Variants in CTNNA3 observed in about 807,000 individuals in gnomAD.
CTNNA3 encodes catenin alpha-3.
Under a neutral mutation model 95.7 loss-of-function variants are expected in CTNNA3, and 76 were observed. That is an observed-to-expected ratio of 0.79 (90% CI 0.66 to 0.96). The LOEUF is 0.96. Among genes scored for constraint, CTNNA3 ranks in the 40% least tolerant of loss-of-function variants. The pLI, the probability that CTNNA3 is intolerant of heterozygous loss-of-function variation, is 0.00. For synonymous variants in CTNNA3, 431 were observed against 374.4 expected (o/e 1.15, Z -1.74); for missense variants, 1,191 against 1,089.8 (o/e 1.09, Z -1.31).
Position 66,973,754 on chromosome 10 carries a change from G to C in CTNNA3, c.1048-198230C>G, listed in dbSNP as rs866687570. Among the ~76,000 whole-genome samples the C allele has an allele frequency of 9.7e-4, 147 of 152,120 alleles. 2 individuals carry two copies. The Middle Eastern group carries it at 0.02, about 21-fold the overall frequency. Reference sequence around the variant, plus strand: ...TTCTCCTGCTTCAGCCTTCCCAGTAGCTGGGATTACAGGCACCCACCACCA... The same window carrying C: ...TTCTCCTGCTTCAGCCTTCCCAGTACCTGGGATTACAGGCACCCACCACCA... On this transcript the variant is annotated intron_variant, in intron 7 of 17. Coordinates refer to ENST00000433211, the MANE Select transcript of CTNNA3 (RefSeq NM_013266.4).
At chr10:66,187,148 C>CTTT (rs1438536519) in intron 13 of CTNNA3, among the ~76,000 whole-genome samples, 1 of 152,060 alleles carries the variant, frequency 6.6e-6, no homozygotes, top group East Asian at 1.9e-4. Flanking sequence ...ATCCTATGTG[C>CTTT]AAAAATATTT....
intron 1 of CTNNA3, among the ~76,000 whole-genome samples, chr10:67,737,103 A>G (rs1242127147): frequency 6.6e-6 from 1 of 152,058 alleles, no homozygotes; most frequent in Non-Finnish European, 1.5e-5. Context: ...AGCTGGGATT[A>G]CAGGCACACA....
chr10:66,096,464 T>G (rs1027225651), intron 14 of CTNNA3, among the ~76,000 whole-genome samples: 1 of 151,998 alleles, frequency 6.6e-6, no homozygotes, highest in African/African-American at 2.4e-5. Context: ...TTTTAAAAAA[T>G]CATTATACAT....
chr10:66,763,354 G>GAGAGAGAGAGAGGGA (rs1554848287), intron 9 of CTNNA3, among the ~76,000 whole-genome samples: 4 of 45,532 alleles, frequency 8.8e-5, no homozygotes, highest in African/African-American at 1.6e-4. Context: ...AGAGAGAGAG[G>GAGAGAGAGAGAGGGA]GAGAGAGAGA....
chr10:67,335,484 T>C (rs1841963938), intron 5 of CTNNA3, among the ~76,000 whole-genome samples: 1 of 152,246 alleles, frequency 6.6e-6, no homozygotes, highest in Admixed American at 6.5e-5. Context: ...AGGTGCTCCT[T>C]ATAATTCTCA....
chr10:67,249,037 G>C (rs1251685047), intron 5 of CTNNA3, among the ~76,000 whole-genome samples: 6 of 152,030 alleles, frequency 3.9e-5, no homozygotes, highest in African/African-American at 9.7e-5. Context: ...GGTTTAGATG[G>C]CAATTTATTA....
intron 15 of CTNNA3, among the ~76,000 whole-genome samples, chr10:66,062,626 G>A (rs1218941795): frequency 6.6e-6 from 1 of 152,114 alleles, no homozygotes. Flanking sequence ...AACAATTGGA[G>A]ATTTATCACA....
chr10:67,456,899 T>C (rs550255093), intron 5 of CTNNA3, among the ~76,000 whole-genome samples: 2 of 152,044 alleles, frequency 1.3e-5, no homozygotes, highest in Non-Finnish European at 2.9e-5. Flanking sequence ...ATGAGCCAAC[T>C]CTAGCAGAAA....
At chr10:66,059,982 TG>T (rs746139043) in intron 15 of CTNNA3, among the ~76,000 whole-genome samples, 4 of 152,082 alleles carry the variant, frequency 2.6e-5, no homozygotes, top group Non-Finnish European at 5.9e-5. Context: ...TCATTATTTT[TG>T]CAAAGATAAT....
intron 5 of CTNNA3, among the ~76,000 whole-genome samples, chr10:67,226,633 A>G (rs1864930200): frequency 6.6e-6 from 1 of 152,216 alleles, no homozygotes; most frequent in Admixed American, 6.5e-5. Flanking sequence ...TAAGCATCAT[A>G]TATGAAGGAA....
At chr10:66,655,393 T>C (rs2132426343) in intron 9 of CTNNA3, among the ~76,000 whole-genome samples, 1 of 152,158 alleles carries the variant, frequency 6.6e-6, no homozygotes, top group East Asian at 1.9e-4. Flanking sequence ...TGTGAACATT[T>C]TACTTCTGAT....
rs188609319 is a variant in CTNNA3 at position 66,656,620 on chromosome 10, C to T, written c.1282-34836G>A. Among the ~76,000 whole-genome samples, 305 of 152,170 alleles carry T rather than the reference C, an allele frequency of 2.0e-3. 1 individual carries two copies. Among genetic ancestry groups the T allele is most frequent in the Admixed American group, 3.4e-3 (52 of 15,286 alleles). Reference sequence around the variant, plus strand: ...TGTGCATTTTATTAACCCCAATAAACATTTACTTTTTTATTTTCTCCCCAG... The same window carrying T: ...TGTGCATTTTATTAACCCCAATAAATATTTACTTTTTTATTTTCTCCCCAG... On this transcript the variant is annotated intron_variant, in intron 9 of 17. Coordinates refer to ENST00000433211, the MANE Select transcript of CTNNA3 (RefSeq NM_013266.4).
At chr10:66,036,443 G>A (rs1175690017) in intron 15 of CTNNA3, among the ~76,000 whole-genome samples, 1 of 151,884 alleles carries the variant, frequency 6.6e-6, no homozygotes, top group African/African-American at 2.4e-5. Context: ...GTGCAATCTC[G>A]GCTCACTGCA....
intron 5 of CTNNA3, among the ~76,000 whole-genome samples, chr10:67,465,001 C>A (rs1847531911): frequency 6.6e-6 from 1 of 151,944 alleles, no homozygotes; most frequent in Non-Finnish European, 1.5e-5. Context: ...AGGCAATTGC[C>A]TGTGTTTTTG....
chr10:67,018,303 G>A (rs1055699003), intron 7 of CTNNA3, among the ~76,000 whole-genome samples: 5 of 151,972 alleles, frequency 3.3e-5, no homozygotes, highest in Admixed American at 6.6e-5. Flanking sequence ...TTTACTCTTC[G>A]CTTTCACCCA....
At position 66,091,692 on chromosome 10, in the gene CTNNA3, G is replaced by A. The variant is rs959810444; in HGVS notation, c.1977+11465C>T. Reference sequence around the variant, plus strand: ...AGGTTATAAGAGAGTTGGAAATGGAGTCACAGTTTTAAGTCAGTGGTTAGT... The same window carrying A: ...AGGTTATAAGAGAGTTGGAAATGGAATCACAGTTTTAAGTCAGTGGTTAGT... On this transcript the variant is annotated intron_variant, in intron 14 of 17. Coordinates refer to ENST00000433211, the MANE Select transcript of CTNNA3 (RefSeq NM_013266.4). Among the ~76,000 whole-genome samples, 24 of 151,972 alleles carry A rather than the reference G, an allele frequency of 1.6e-4. No homozygotes were observed. In the East Asian group the frequency reaches 4.1e-3, roughly 26 times the overall value.
intron 9 of CTNNA3, among the ~76,000 whole-genome samples, chr10:66,661,839 A>AAG (rs1226816790): frequency 6.6e-6 from 1 of 152,174 alleles, no homozygotes; most frequent in Non-Finnish European, 1.5e-5. Context: ...GCAGCAAGGT[A>AAG]AGAGATTTAA....
At chr10:66,330,356 G>T (rs2132316239) in intron 12 of CTNNA3, among the ~76,000 whole-genome samples, 1 of 152,082 alleles carries the variant, frequency 6.6e-6, no homozygotes, top group South Asian at 2.1e-4. Flanking sequence ...TGCTAAGAAT[G>T]ATGGTTTCCA....
At chr10:67,324,431 A>C (rs1295563334) in intron 5 of CTNNA3, among the ~76,000 whole-genome samples, 1 of 152,136 alleles carries the variant, frequency 6.6e-6, no homozygotes, top group East Asian at 1.9e-4. Context: ...TAGTTTATTG[A>C]GTGTTTTTAA....
Sources: allele counts gnomAD v4.1 joint callset (sites outside exome capture counted in the v4.1 genomes callset), GRCh38; gene constraint gnomAD v4.1.1; transcripts MANE v1.5; gene names NCBI Gene and HGNC (gene_info 2026-07-23, HGNC 2026-07-21).